The following PTCHD4 variants were observed in gnomAD, a reference collection of about 807,000 sequenced individuals.
PTCHD4 encodes the protein patched domain-containing protein 4.
In PTCHD4, 33 loss-of-function variants were observed where a neutral mutation model predicts 58.1. The observed-to-expected ratio is 0.57, with a 90% CI of 0.43 to 0.76. The LOEUF is 0.76. PTCHD4 is among the 30% of genes least tolerant of loss of function. PTCHD4 has a pLI of 0.00. For synonymous variants in PTCHD4, 478 were observed against 409.6 expected (o/e 1.17, Z -2.02); for missense variants, 1,058 against 1,027.1 (o/e 1.03, Z -0.41).
At position 48,046,389 on chromosome 6, in the gene PTCHD4, C is replaced by T. The variant is rs576029613; in HGVS notation, c.417+21841G>A. Reference sequence around the variant, plus strand: ...TTTTTGAGTGAATTCTCCCAGTCTCCTCTTAATAGGATTCTGATAGAATTA... The same window carrying T: ...TTTTTGAGTGAATTCTCCCAGTCTCTTCTTAATAGGATTCTGATAGAATTA... On this transcript the variant is annotated intron_variant, in intron 3 of 4. Transcript: ENST00000339488. 1.1e-4 allele frequency among the ~76,000 whole-genome samples: 17 copies of T among 151,920 alleles called. No individual in the cohort carries two copies. The East Asian group carries it at 3.3e-3, about 29-fold the overall frequency.
chr6:48,092,218 A>T (rs1562046617), intron 1 of PTCHD4, among the ~76,000 whole-genome samples: 1 of 152,220 alleles, frequency 6.6e-6, no homozygotes, highest in South Asian at 2.1e-4. Flanking sequence ...TTAAAATAGG[A>T]ATCCACTGAT....
chr6:47,995,022 A>G (rs1006255191), intron 4 of PTCHD4, among the ~76,000 whole-genome samples: 8 of 152,232 alleles, frequency 5.3e-5, no homozygotes, highest in Non-Finnish European at 7.3e-5. Context: ...TCATAAAAAG[A>G]TGGTCACTCT....
At chr6:48,045,324 C>T (rs551822443) in intron 3 of PTCHD4, among the ~76,000 whole-genome samples, 2 of 151,910 alleles carry the variant, frequency 1.3e-5, no homozygotes, top group Non-Finnish European at 2.9e-5. Flanking sequence ...CCTCTAACAG[C>T]AGAGGTGAGA....
chr6:48,046,379 T>A (rs1764038977), intron 3 of PTCHD4, among the ~76,000 whole-genome samples: 1 of 151,850 alleles, frequency 6.6e-6, no homozygotes, highest in South Asian at 2.1e-4. Context: ...GAGTGAATTC[T>A]CCCAGTCTCC....
intron 4 of PTCHD4, among the ~76,000 whole-genome samples, chr6:47,906,240 TA>T (rs1764880553): frequency 6.6e-6 from 1 of 152,074 alleles, no homozygotes; most frequent in South Asian, 2.1e-4. Flanking sequence ...AACCAAAAAA[TA>T]AAAAGCAAGC....
rs140090135 is a variant in PTCHD4, at chr6:47,955,042, C to A, written c.898+53592G>T. On this transcript the variant is annotated intron_variant, in intron 4 of 4. Coordinates refer to ENST00000339488, the MANE Select transcript of PTCHD4 (RefSeq NM_001384253.1). ...AGGCATGACCATCAAATGATTTACA[C>A]TCAGTCTCTGAGCCATCCCAGCTGA... Among the ~76,000 whole-genome samples, 415 of 152,302 alleles carry A rather than the reference C, an allele frequency of 2.7e-3. 1 individual carries two copies. The highest frequency in any genetic ancestry group is 9.5e-3 in the African/African-American group (395 of 41,578).
rs183060648 is a variant in PTCHD4, at chr6:48,032,192, C to A, written c.418-23078G>T. Among the ~76,000 whole-genome samples the A allele has an allele frequency of 6.0e-4, 92 of 152,106 alleles. 1 individual carries two copies. The highest frequency in any genetic ancestry group is 2.1e-3 in the African/African-American group (88 of 41,508). The stretch of plus-strand genomic sequence containing the variant: ...TATGAAAAAAAAACATTCTTCTCTG[C>A]TGTGTGCAATATGAAGAAAATCCTT... On this transcript the variant is annotated intron_variant, in intron 3 of 4. Coordinates refer to ENST00000339488, the MANE Select transcript of PTCHD4 (RefSeq NM_001384253.1).
At chr6:47,916,674 C>A (rs974199206) in intron 4 of PTCHD4, among the ~76,000 whole-genome samples, 1 of 152,096 alleles carries the variant, frequency 6.6e-6, no homozygotes, top group African/African-American at 2.4e-5. Flanking sequence ...CAAACACACA[C>A]ACATATACTC....
intron 4 of PTCHD4, among the ~76,000 whole-genome samples, chr6:47,991,667 T>C (rs1408789642): frequency 2.6e-5 from 4 of 151,974 alleles, no homozygotes; most frequent in Admixed American, 2.0e-4. Context: ...TAGACAGCAA[T>C]ATCATGTAAG....
chr6:48,003,398 C>T (rs909019708), intron 4 of PTCHD4, among the ~76,000 whole-genome samples: 1 of 152,158 alleles, frequency 6.6e-6, no homozygotes, highest in Non-Finnish European at 1.5e-5. Context: ...ATTTGGTCCT[C>T]TAAGCCTGGG....
chr6:48,057,238 G>A (rs777837451), intron 3 of PTCHD4, among the ~76,000 whole-genome samples: 8 of 149,620 alleles, frequency 5.3e-5, no homozygotes, highest in Non-Finnish European at 8.9e-5. Context: ...CTTGTGCCTC[G>A]TGTATCTCAG....
At chr6:47,956,988 A>T (rs1011513300) in intron 4 of PTCHD4, among the ~76,000 whole-genome samples, 1 of 151,414 alleles carries the variant, frequency 6.6e-6, no homozygotes, top group African/African-American at 2.4e-5. Flanking sequence ...ACATGGTGAA[A>T]CCCTGTCTCT....
chr6:47,958,542 G>C lies in PTCHD4; in HGVS notation c.898+50092C>G, dbSNP rs141973740. On this transcript the variant is annotated intron_variant, in intron 4 of 4. Coordinates refer to ENST00000339488, the MANE Select transcript of PTCHD4 (RefSeq NM_001384253.1). ...GCCATGTTAATGGGAGGGGAACACT[G>C]GGCAGCACCTGGTGTACTCCCTGAG... Among the ~76,000 whole-genome samples, 1,392 of 152,276 alleles carry C rather than the reference G, an allele frequency of 9.1e-3. 10 individuals are homozygous for C. Among genetic ancestry groups the C allele is most frequent in the Non-Finnish European group, 0.016 (1,117 of 68,018 alleles).
intron 4 of PTCHD4, among the ~76,000 whole-genome samples, chr6:47,915,229 A>C (rs1765207547): frequency 6.7e-6 from 1 of 149,768 alleles, no homozygotes; most frequent in Non-Finnish European, 1.5e-5. Flanking sequence ...CTGATGTTAA[A>C]TCTTAAAGCA....
intron 1 of PTCHD4, among the ~76,000 whole-genome samples, chr6:48,097,740 C>A (rs1404738816): frequency 6.6e-6 from 1 of 151,992 alleles, no homozygotes; most frequent in Non-Finnish European, 1.5e-5. Context: ...ATTATAAGAA[C>A]AAACAGAGAG....
chr6:48,007,936 G>GCGCACA (rs935818683), intron 4 of PTCHD4, among the ~76,000 whole-genome samples: 24 of 150,244 alleles, frequency 1.6e-4, no homozygotes, highest in African/African-American at 5.4e-4. Context: ...GTGCGCGCGC[G>GCGCACA]CACACACACA....
At position 47,878,342 on chromosome 6, in the gene PTCHD4, T is replaced by C. The variant is rs1253736078; in HGVS notation, c.2493A>G (p.Ile831Met). Reference sequence around the variant, plus strand: ...CGTGATCCGGGTTCTCTTGAATTTCTATGCATTCAATTTCCTCTCTCTCCT... The same window carrying C: ...CGTGATCCGGGTTCTCTTGAATTTCCATGCATTCAATTTCCTCTCTCTCCT... ...KRKEREEIECIEIQENPDHVT... is the reference protein window; with the variant it reads ...KRKEREEIECMEIQENPDHVT... The change falls in exon 5 of 5, where the codon ATA (isoleucine) becomes ATG (methionine). Residue 831 changes from isoleucine to methionine, a missense_variant. Transcript: ENST00000339488. 6 of 1,607,970 alleles carry C rather than the reference T, an allele frequency of 3.7e-6. No individual in the cohort carries two copies. The African/African-American group carries it at 6.7e-5, about 18-fold the overall frequency.
At chr6:48,077,032 AG>A (rs1295045837) in intron 1 of PTCHD4, among the ~76,000 whole-genome samples, 4 of 152,238 alleles carry the variant, frequency 2.6e-5, no homozygotes, top group African/African-American at 9.6e-5. Context: ...AGAAGTATGT[AG>A]CCCTACTCAG....
intron 4 of PTCHD4, among the ~76,000 whole-genome samples, chr6:47,991,676 A>G (rs1396158958): frequency 1.3e-5 from 2 of 152,108 alleles, no homozygotes; most frequent in African/African-American, 2.4e-5. Context: ...ATATCATGTA[A>G]GTCGGGAGGA....
Sources: gnomAD v4.1 joint callset for allele counts (sites outside exome capture counted in the v4.1 genomes callset) on GRCh38, gnomAD v4.1.1 for gene constraint, MANE v1.5 for transcripts, NCBI Gene and HGNC (gene_info 2026-07-23, HGNC 2026-07-21) for gene names.